PRMT7: variants seen among roughly 807,000 people sequenced by gnomAD.
PRMT7 encodes the protein protein arginine methyltransferase 7.
In PRMT7, 75 loss-of-function variants were observed where a neutral mutation model predicts 85.4. The observed-to-expected ratio is 0.88, with a 90% confidence interval of 0.73 to 1.06. PRMT7 has a LOEUF of 1.06. Among genes scored for constraint, PRMT7 ranks in the 50% least tolerant of loss-of-function variants. The pLI is 0.00. For synonymous variants in PRMT7, 397 were observed against 359.5 expected (o/e 1.10, Z -1.18); for missense variants, 868 against 915.2 (o/e 0.95, Z 0.67).
At chr16:68,349,564 T>C (rs2086962942) in intron 14 of PRMT7, among the ~76,000 whole-genome samples, 1 of 152,050 alleles carries the variant, frequency 6.6e-6, no homozygotes, top group African/African-American at 2.4e-5. Flanking sequence ...TTTTTTTAAG[T>C]AAATATATGG....
chr16:68,346,496 G>A (rs1305256713), intron 11 of PRMT7, among the ~76,000 whole-genome samples: 2 of 152,208 alleles, frequency 1.3e-5, no homozygotes, highest in Non-Finnish European at 2.9e-5. Flanking sequence ...TACTGGGAGA[G>A]CCTCTGGCTG....
rs1234460098 is a variant in PRMT7 at position 68,316,091 on chromosome 16, C to T, written c.95+17C>T. 6 of 1,605,072 alleles carry T rather than the reference C, an allele frequency of 3.7e-6. No homozygotes were observed. Among genetic ancestry groups the T allele is most frequent in the African/African-American group, 1.3e-5 (1 of 74,772 alleles). On this transcript the variant is annotated intron_variant, in intron 3 of 18. Transcript: ENST00000441236. ...GATTGCAAGGTACTGGGTTGGTTTA[C>T]AGCAGGCTGCAGCTGGGTGGGGCAC...
At chr16:68,311,401 A>G (rs1335816729) in intron 1 of PRMT7, 1 of 255,326 alleles carries the variant, frequency 3.9e-6, no homozygotes, top group Non-Finnish European at 7.8e-6. Flanking sequence ...TAACTGGGCC[A>G]CGAGTTCTCT....
rs566483423 is a variant in PRMT7 at position 68,315,999 on chromosome 16, G to C, written c.20G>C (p.Arg7Pro). 1.9e-6 allele frequency: 3 copies of C among 1,613,526 alleles called. No individual in the cohort carries two copies. Among genetic ancestry groups the C allele is most frequent in the Admixed American group, 1.7e-5 (1 of 59,994 alleles). Residue 7 changes from arginine to proline, a missense_variant, in exon 3 of 19, where the codon CGG becomes CCG. Physicochemically the swap from Arg to Pro is moderately radical, Grantham distance 103. Transcript: ENST00000441236. MKIFCS[R>P]ANPTTGSVEW... ...GGCACCATGAAGATCTTCTGCAGTC[G>C]GGCCAATCCGACCACGGGGTCTGTG...
At chr16:68,321,855 G>A (rs1374074949) in intron 4 of PRMT7, 7 of 163,658 alleles carry the variant, frequency 4.3e-5, no homozygotes, top group South Asian at 1.8e-4. Flanking sequence ...TCACAATGCC[G>A]TACAGCAGAT....
intron 13 of PRMT7, 141 bp downstream of exon 13, chr16:68,347,819 G>A: frequency 1.4e-6 from 1 of 697,018 alleles, no homozygotes; most frequent in Non-Finnish European, 2.4e-6. Context: ...GCTGCCTGGA[G>A]AGCAGCCAGA....
At chr16:68,315,172 A>C in intron 2 of PRMT7, 1 of 151,776 alleles carries the variant, frequency 6.6e-6, no homozygotes, top group East Asian at 1.9e-4. Context: ...CCCACCACCC[A>C]ATTTAAGAAA....
At chr16:68,343,192 G>A (rs542343584) in intron 9 of PRMT7, among the ~76,000 whole-genome samples, 10 of 150,460 alleles carry the variant, frequency 6.6e-5, no homozygotes, top group African/African-American at 2.0e-4. Flanking sequence ...CAACAAGAGC[G>A]AAACTCCGTC....
intron 6 of PRMT7, among the ~76,000 whole-genome samples, chr16:68,337,152 A>AT (rs1294604595): frequency 1.3e-5 from 2 of 152,056 alleles, no homozygotes; most frequent in Non-Finnish European, 2.9e-5. Context: ...TTTTCTTATC[A>AT]TTTTTTGCAG....
At chr16:68,327,817 T>C (rs1370413061) in intron 5 of PRMT7, among the ~76,000 whole-genome samples, 1 of 151,556 alleles carries the variant, frequency 6.6e-6, no homozygotes, top group Non-Finnish European at 1.5e-5. Context: ...TCTACGCCTG[T>C]AGTCCCAGCT....
intron 14 of PRMT7, among the ~76,000 whole-genome samples, chr16:68,348,763 C>T (rs1293930542): frequency 2.6e-5 from 4 of 151,690 alleles, no homozygotes; most frequent in African/African-American, 7.3e-5. Context: ...CCACCTCTCC[C>T]GAGTAGCTGG....
Position 68,357,104 on chromosome 16 carries a change from C to A in PRMT7, c.1959C>A (p.Ser653Arg). Residue 653 changes from serine to arginine, a missense_variant, in exon 19 of 19, where the codon AGC becomes AGA. Ser to Arg is a moderately radical substitution (Grantham distance 110). Coordinates refer to ENST00000441236, the MANE Select transcript of PRMT7 (RefSeq NM_019023.5). ...PHCKQAVYFF[S>R]PAPDPRALLG... ...GCAAGCAGGCCGTCTACTTCTTCAG[C>A]CCTGCCCCAGATCCCAGAGCACTGC... 1 of 1,613,718 alleles carries A rather than the reference C, an allele frequency of 6.2e-7. No homozygotes were observed. Among genetic ancestry groups the A allele is most frequent in the Non-Finnish European group, 8.5e-7 (1 of 1,179,902 alleles).
rs2083497404 is a variant in PRMT7, at chr16:68,329,124, ATAAGAT to A, written c.346_351del (p.Ile116_Lys117del). On this transcript the variant is annotated inframe_deletion, in exon 6 of 19. Transcript: ENST00000441236. ...ATTGTGGAGAAAAATGGCTTTAGTGATAAGATTAAGGTTATCAACAAGCATTCCACC... is the reference window on the plus strand; with the variant it reads ...ATTGTGGAGAAAAATGGCTTTAGTGATAAGGTTATCAACAAGCATTCCACC... 2 of 1,612,504 alleles carry A rather than the reference ATAAGAT, an allele frequency of 1.2e-6. No individual in the cohort carries two copies. Among genetic ancestry groups the A allele is most frequent in the East Asian group, 2.2e-5 (1 of 44,868 alleles).
At position 68,321,425 on chromosome 16, in the gene PRMT7, G is replaced by A; in HGVS notation, c.96-1G>A. 6.2e-7 allele frequency: 1 copy of A among 1,606,448 alleles called. No individual in the cohort carries two copies. Among genetic ancestry groups the A allele is most frequent in the Non-Finnish European group, 8.5e-7 (1 of 1,174,936 alleles). Reference sequence around the variant, plus strand: ...AGGTTACTGACTTTTTTGTTTTTTAGGTCATCTTATGCAGATATGCTACAT... The same window carrying A: ...AGGTTACTGACTTTTTTGTTTTTTAAGTCATCTTATGCAGATATGCTACAT... On this transcript the variant is annotated splice_acceptor_variant, in intron 3 of 18. Coordinates refer to ENST00000441236, the MANE Select transcript of PRMT7 (RefSeq NM_019023.5). LOFTEE classifies it high-confidence loss of function.
chr16:68,322,326 A>G (rs1171270134), intron 4 of PRMT7: 1 of 418,962 alleles, frequency 2.4e-6, no homozygotes, highest in African/African-American at 2.1e-5. Context: ...CAGCCTTCCC[A>G]GTAGCTGGGA....
chr16:68,349,666 G>A (rs1194072915), intron 14 of PRMT7, among the ~76,000 whole-genome samples: 1 of 152,112 alleles, frequency 6.6e-6, no homozygotes, highest in Non-Finnish European at 1.5e-5. Flanking sequence ...GGCCAAGGTG[G>A]GAGGATCGCT....
chr16:68,355,933 G>A, intron 17 of PRMT7, 50 bp downstream of exon 17: 2 of 1,490,214 alleles, frequency 1.3e-6, no homozygotes, highest in Non-Finnish European at 1.8e-6. Context: ...GCTTGCCCTT[G>A]GAGTTCTCAC....
intron 6 of PRMT7, among the ~76,000 whole-genome samples, chr16:68,337,019 C>T (rs2084793893): frequency 2.6e-5 from 4 of 152,208 alleles, no homozygotes; most frequent in Admixed American, 2.6e-4. Flanking sequence ...TCCCAAAGTG[C>T]TAGGATTACA....
Position 68,331,232 on chromosome 16 carries a change from T to A in PRMT7, c.391+2058T>A, listed in dbSNP as rs116832841. On this transcript the variant is annotated intron_variant, in intron 6 of 18. Transcript: ENST00000441236. ...CTCTTCTGTGTGTGTGCTCTCTTTT[T>A]TATAGCGTGATGCTGGTAAGATTCT... Among the ~76,000 whole-genome samples the A allele has an allele frequency of 1.7e-3, 259 of 152,190 alleles. 4 individuals carry two copies. Among genetic ancestry groups the A allele is most frequent in the African/African-American group, 5.9e-3 (245 of 41,518 alleles).
Sources: allele counts gnomAD v4.1 joint callset (sites outside exome capture counted in the v4.1 genomes callset), GRCh38; gene constraint gnomAD v4.1.1; transcripts MANE v1.5; gene names NCBI Gene and HGNC (gene_info 2026-07-23, HGNC 2026-07-21).